NDUFV3: variants seen among roughly 807,000 people sequenced by gnomAD.
NDUFV3 encodes NADH:ubiquinone oxidoreductase subunit V3.
In NDUFV3, 44 loss-of-function variants were observed where a neutral mutation model predicts 37.5. The observed-to-expected ratio is 1.17, with a 90% CI of 0.92 to 1.51. The LOEUF (loss-of-function observed/expected upper bound fraction) is 1.51. Among genes scored for constraint, NDUFV3 ranks in the 40% most tolerant of loss-of-function variants. NDUFV3 has a pLI of 0.00. For synonymous variants in NDUFV3, 235 were observed against 239.3 expected (o/e 0.98, Z 0.17); for missense variants, 580 against 580.4 (o/e 1.00, Z 0.01).
At chr21:42,908,551 T>C (rs183021498) in intron 3 of NDUFV3, among the ~76,000 whole-genome samples, 2 of 150,490 alleles carry the variant, frequency 1.3e-5, no homozygotes, top group Non-Finnish European at 2.9e-5. Flanking sequence ...TGAAGAATGC[T>C]TGGTAGGTAA....
chr21:42,894,240 T>G (rs1419545394), intron 1 of NDUFV3, among the ~76,000 whole-genome samples: 1 of 135,974 alleles, frequency 7.4e-6, no homozygotes, highest in African/African-American at 2.9e-5. Context: ...CACTTCACTC[T>G]CTTACAAATT....
In NDUFV3 at chr21:42,908,919, G is replaced by A; in HGVS notation, c.1320G>A (p.Gln440=). 1 of 1,614,122 alleles carries A rather than the reference G, an allele frequency of 6.2e-7. No homozygotes were observed. Residue 440 remains glutamine (Q), a synonymous_variant, in exon 4 of 4, where the codon CAG becomes CAA. Coordinates refer to ENST00000354250, the MANE Select transcript of NDUFV3 (RefSeq NM_021075.4). ...PFDNTTYKNL[Q]HHDYSTYTFL... Reference sequence around the variant, plus strand: ...ACAACACTACCTACAAGAACCTGCAGCATCATGACTACAGCACGTACACCT... The same window carrying A: ...ACAACACTACCTACAAGAACCTGCAACATCATGACTACAGCACGTACACCT...
chr21:42,903,098 G>A lies in NDUFV3; in HGVS notation c.170-84G>A. The A allele has an allele frequency of 3.2e-6, 5 of 1,540,962 alleles. No individual in the cohort carries two copies. In the South Asian group the frequency reaches 4.6e-5, roughly 14 times the overall value. On this transcript the variant is annotated intron_variant, in intron 2 of 3. Coordinates refer to ENST00000354250, the MANE Select transcript of NDUFV3 (RefSeq NM_021075.4). ...GCATTGAAGATACTGTCAGTAATAA[G>A]TAATGTGTCATGAAATGTCTGTAAT...
Position 42,909,873 on chromosome 21 carries a change from G to A in NDUFV3, c.*852G>A, listed in dbSNP as rs2058761925. The A allele has an allele frequency of 6.6e-6, 1 of 151,766 alleles. No homozygotes were observed. Among genetic ancestry groups the A allele is most frequent in the South Asian group, 2.1e-4 (1 of 4,810 alleles). The allele number at this position is 151,766 out of a possible 1,614,324, so 9.4% of individuals were successfully genotyped here. A position where few individuals can be genotyped will look rare whatever the true frequency, so the allele number is the denominator to read the frequency against. On this transcript the variant is annotated 3_prime_UTR_variant, in exon 4 of 4. Transcript: ENST00000354250. ...TAATTTTTTTTGTATTTTTAGTAGAGATGGGGTTTCACCATCTTGGCCAGG... is the reference window on the plus strand; with the variant it reads ...TAATTTTTTTTGTATTTTTAGTAGAAATGGGGTTTCACCATCTTGGCCAGG...
chr21:42,894,430 T>TATA (rs1238765846), intron 1 of NDUFV3, among the ~76,000 whole-genome samples: 28 of 53,670 alleles, frequency 5.2e-4, no homozygotes, highest in African/African-American at 3.3e-3. Flanking sequence ...ATTATATAAA[T>TATA]ATATATTATA....
rs928615579 is a variant in NDUFV3, at chr21:42,910,025, C to A, written c.*1004C>A. 9.2e-5 allele frequency: 14 copies of A among 152,136 alleles called. No homozygotes were observed. The highest frequency in any genetic ancestry group is 3.4e-4 in the African/African-American group (14 of 41,426). 9.4% of individuals were successfully genotyped at this position (152,136 alleles called of 1,614,324 possible). The stretch of plus-strand genomic sequence containing the variant: ...TAATCCTACAGCCCTGGTTTTTGAT[C>A]ATTAGAAACAGGAGTTTTGGCCAGG... On this transcript the variant is annotated 3_prime_UTR_variant, in exon 4 of 4. Coordinates refer to ENST00000354250, the MANE Select transcript of NDUFV3 (RefSeq NM_021075.4).
chr21:42,898,660 G>A (rs1453764983), intron 2 of NDUFV3, among the ~76,000 whole-genome samples: 3 of 152,186 alleles, frequency 2.0e-5, no homozygotes, highest in African/African-American at 4.8e-5. Flanking sequence ...CCATACAGAT[G>A]AAGTCTCACT....
intron 3 of NDUFV3, chr21:42,906,774 T>C: frequency 2.1e-6 from 1 of 473,618 alleles, no homozygotes; most frequent in South Asian, 1.5e-5. Flanking sequence ...CAGAGTTTTG[T>C]AACCCACGTC....
chr21:42,899,286 T>TTTTTTTTTTTTTTTA (rs1370334671), intron 2 of NDUFV3, among the ~76,000 whole-genome samples: 2 of 140,866 alleles, frequency 1.4e-5, no homozygotes, highest in African/African-American at 6.2e-5. Flanking sequence ...TGTTTTTTTT[T>TTTTTTTTTTTTTTTA]GAGACAGAGT....
intron 2 of NDUFV3, 86 bp from the exon 3 acceptor site, chr21:42,903,089 CAGTAATA>C (rs1601220876): frequency 6.7e-7 from 1 of 1,497,140 alleles, no homozygotes; most frequent in East Asian, 2.4e-5. Context: ...AAGATACTGT[CAGTAATA>C]AGTAATGTGT....
At chr21:42,903,128 A>G (rs2058723840) in intron 2 of NDUFV3, 54 bp from the exon 3 acceptor site, 2 of 1,606,354 alleles carry the variant, frequency 1.2e-6, no homozygotes, top group African/African-American at 1.3e-5. Context: ...TGTAATTTTG[A>G]CTGAGTTTTA....
rs73905781 is a variant in NDUFV3, at chr21:42,904,403, T to G, written c.1264+127T>G. The G allele has an allele frequency of 6.4e-5, 82 of 1,281,750 alleles. No individual in the cohort carries two copies. The African/African-American group carries it at 1.2e-3, about 18-fold the overall frequency. The allele number at this position is 1,281,750 out of a possible 1,614,324, so 79.4% of individuals were successfully genotyped here. On this transcript the variant is annotated intron_variant, in intron 3 of 3. Coordinates refer to ENST00000354250, the MANE Select transcript of NDUFV3 (RefSeq NM_021075.4). ...AATTCTGTACTAGAAATATGGCCTGTAACGCTGTCTCAGCCAGGCAGAAAA... is the reference window on the plus strand; with the variant it reads ...AATTCTGTACTAGAAATATGGCCTGGAACGCTGTCTCAGCCAGGCAGAAAA...
intron 1 of NDUFV3, 56 bp from the exon 2 acceptor site, chr21:42,896,871 C>T (rs2058693712): frequency 6.5e-7 from 1 of 1,540,800 alleles, no homozygotes; most frequent in Non-Finnish European, 9.0e-7. Flanking sequence ...ATATATAGTA[C>T]CAGCTATTAT....
chr21:42,894,495 A>AATATATAATATATATTTATATATT (rs1568854321), intron 1 of NDUFV3, among the ~76,000 whole-genome samples: 6 of 62,862 alleles, frequency 9.5e-5, no homozygotes, highest in Admixed American at 4.0e-4. Context: ...ATATTTATAT[A>AATATATAATATATATTTATATATT]ATATATAATA....
intron 3 of NDUFV3, among the ~76,000 whole-genome samples, chr21:42,908,150 T>C (rs2058750249): frequency 6.7e-6 from 1 of 150,272 alleles, no homozygotes; most frequent in African/African-American, 2.4e-5. Context: ...CTACTAAAAA[T>C]ACAAAAATTA....
intron 2 of NDUFV3, among the ~76,000 whole-genome samples, chr21:42,901,632 G>C (rs573640827): frequency 6.6e-6 from 1 of 151,480 alleles, no homozygotes; most frequent in African/African-American, 2.4e-5. Flanking sequence ...GAAATTTTAC[G>C]TATCAAATTA....
In NDUFV3 at chr21:42,903,864, A is replaced by T; in HGVS notation, c.852A>T (p.Pro284=). 3.1e-6 allele frequency: 5 copies of T among 1,612,754 alleles called. No homozygotes were observed. The highest frequency in any genetic ancestry group is 4.2e-6 in the Non-Finnish European group (5 of 1,179,756). The change falls in exon 3 of 4, where the codon CCA becomes CCT. Residue 284 remains proline, a synonymous_variant. Transcript: ENST00000354250. ...AAATAGATAAAGAAAGCCAAAAGCC[A>T]TTTGAAGTTAAAGGACCCTTACCTG... ...LNEIDKESQK[P]FEVKGPLPVH...
chr21:42,905,300 G>A (rs1035798734), intron 3 of NDUFV3, among the ~76,000 whole-genome samples: 1 of 152,286 alleles, frequency 6.6e-6, no homozygotes, highest in Admixed American at 6.5e-5. Flanking sequence ...GTCGCTTGGC[G>A]TGAGAGTCTT....
chr21:42,908,746 C>G (rs1355173396), intron 3 of NDUFV3, 118 bp from the exon 4 acceptor site: 13 of 1,169,950 alleles, frequency 1.1e-5, no homozygotes, highest in Admixed American at 1.8e-5. Context: ...TCATAAAGAG[C>G]TGTTCACAGA....
Sources: allele counts gnomAD v4.1 joint callset (sites outside exome capture counted in the v4.1 genomes callset), GRCh38; gene constraint gnomAD v4.1.1; transcripts MANE v1.5; gene names NCBI Gene and HGNC (gene_info 2026-07-23, HGNC 2026-07-21).